KLHL31: variants seen among roughly 807,000 people sequenced by gnomAD.
KLHL31 encodes the protein kelch like family member 31, also known as kelch-like protein 31.
Under a neutral mutation model 47.1 loss-of-function variants are expected in KLHL31, and 32 were observed. The observed-to-expected ratio is 0.68, with a 90% CI of 0.51 to 0.91. KLHL31 has a LOEUF of 0.91. Ranked by LOEUF, KLHL31 falls within the 40% of genes least tolerant of loss-of-function variation. The pLI is 0.00. For missense variants in KLHL31, 797 were observed against 819.3 expected (o/e 0.97, Z 0.33); for synonymous variants, 330 against 325.1 (o/e 1.01, Z -0.16).
intron 1 of KLHL31, among the ~76,000 whole-genome samples, chr6:53,661,378 A>G (rs888385581): frequency 2.0e-5 from 3 of 152,172 alleles, no homozygotes; most frequent in African/African-American, 7.2e-5. Flanking sequence ...GTACAGACAC[A>G]AGGTACATCA....
chr6:53,663,257 A>C (rs1289109683), intron 1 of KLHL31, among the ~76,000 whole-genome samples: 4 of 152,224 alleles, frequency 2.6e-5, no homozygotes, highest in Non-Finnish European at 5.9e-5. Flanking sequence ...GAGACAGTGC[A>C]AGGTATAGCT....
chr6:53,663,849 T>C (rs890268870), intron 1 of KLHL31, among the ~76,000 whole-genome samples: 5 of 152,214 alleles, frequency 3.3e-5, no homozygotes, highest in African/African-American at 1.2e-4. Flanking sequence ...AAATTGGGTT[T>C]CGGTGTTCAT....
At chr6:53,660,757 C>G (rs1764632767) in intron 1 of KLHL31, among the ~76,000 whole-genome samples, 1 of 152,202 alleles carries the variant, frequency 6.6e-6, no homozygotes, top group Non-Finnish European at 1.5e-5. Flanking sequence ...ACAGAGGTTG[C>G]AGTGAGCTGA....
intron 1 of KLHL31, among the ~76,000 whole-genome samples, chr6:53,660,804 G>A (rs138363664): frequency 0.012 from 1,856 of 152,296 alleles, 30 homozygotes; most frequent in African/African-American, 0.041. Flanking sequence ...GCAACAAAGC[G>A]AGACTCTGTC....
chr6:53,655,760 C>T (rs1764552417), intron 1 of KLHL31, among the ~76,000 whole-genome samples: 1 of 152,050 alleles, frequency 6.6e-6, no homozygotes. Flanking sequence ...GTGTGCACCA[C>T]CATGCCCAGG....
intron 1 of KLHL31, among the ~76,000 whole-genome samples, chr6:53,663,159 C>A (rs1764672027): frequency 6.6e-6 from 1 of 152,118 alleles, no homozygotes; most frequent in Admixed American, 6.5e-5. Context: ...CATGGAAACC[C>A]TGGGCCCCTA....
chr6:53,652,354 A>G (rs756389407), intron 2 of KLHL31, 24 bp from the exon 3 acceptor site: 3 of 1,611,848 alleles, frequency 1.9e-6, no homozygotes, highest in Non-Finnish European at 2.5e-6. Context: ...AGAAGGTGTA[A>G]CAGCTTTGTC....
chr6:53,651,882 C>T lies in KLHL31; in HGVS notation c.1621G>A (p.Ala541Thr), dbSNP rs963106042. ...DVLTVECYSP[A>T]TGQWSYAAPL... is the part of the protein sequence containing the mutation. ...GCCGCGTAGCTCCACTGGCCGGTCG[C>T]GGGGCTGTAGCACTCCACGGTGAGC... The change falls in exon 3 of 3, where the codon GCG (alanine) becomes ACG (threonine). Residue 541 changes from alanine (A) to threonine (T), a missense_variant. Transcript: ENST00000370905. The T allele has an allele frequency of 1.3e-6, 2 of 1,596,398 alleles. No homozygotes were observed. The highest frequency in any genetic ancestry group is 1.7e-6 in the Non-Finnish European group (2 of 1,176,438).
chr6:53,654,254 T>C lies in KLHL31; in HGVS notation c.1019A>G (p.Asp340Gly). The change falls in exon 2 of 3, where the codon GAC (aspartate) becomes GGC (glycine). Residue 340 changes from aspartate to glycine, a missense_variant. Transcript: ENST00000370905. ...KSLSRDILYR[D>G]PENGWSKLTE... ...AAGCTTGCTCCATCCATTTTCAGGG[T>C]CTCTATACAAGATGTCTCTGCTAAG... is the stretch of plus-strand genomic sequence containing the variant. The C allele has an allele frequency of 6.2e-7, 1 of 1,614,184 alleles. No homozygotes were observed. The highest frequency in any genetic ancestry group is 8.5e-7 in the Non-Finnish European group (1 of 1,180,038).
intron 1 of KLHL31, among the ~76,000 whole-genome samples, chr6:53,664,228 T>TTTGTCCC (rs1764687186): frequency 6.6e-6 from 1 of 152,202 alleles, no homozygotes; most frequent in Admixed American, 6.5e-5. Flanking sequence ...TTAGTATAAG[T>TTTGTCCC]ATGTCCCAGG....
At position 53,652,263 on chromosome 6, in the gene KLHL31, G is replaced by A. The variant is rs371120867; in HGVS notation, c.1240C>T (p.Leu414=). 13 of 1,614,170 alleles carry A rather than the reference G, an allele frequency of 8.1e-6. No individual in the cohort carries two copies. The highest frequency in any genetic ancestry group is 6.7e-5 in the African/African-American group (5 of 75,086). Residue 414 remains leucine (L), a synonymous_variant, in exon 3 of 3, where the codon CTG becomes TTG. Transcript: ENST00000370905. ...SMNQKRTHFS[L]SVFNGLVYAA... ...TACACGAGCCCGTTGAACACGCTCA[G>A]GCTGAAGTGCGTGCGCTTCTGGTTC...
intron 1 of KLHL31, among the ~76,000 whole-genome samples, chr6:53,663,165 C>T (rs535940257): frequency 2.0e-5 from 3 of 152,158 alleles, no homozygotes; most frequent in African/African-American, 7.2e-5. Context: ...AACCCTGGGC[C>T]CCTATATTGT....
Position 53,651,025 on chromosome 6 carries a change from G to A in KLHL31, c.*573C>T, listed in dbSNP as rs187717756. The A allele has an allele frequency of 2.0e-5, 3 of 152,206 alleles. No individual in the cohort carries two copies. The highest frequency in any genetic ancestry group is 6.5e-5 in the Admixed American group (1 of 15,296). 9.4% of individuals were successfully genotyped at this position (152,206 alleles called of 1,614,324 possible). Reference sequence around the variant, plus strand: ...CAGATCTTGTTTTAAGCTTTATTACGTTGTCATGGGATATCTTTCAAAATC... The same window carrying A: ...CAGATCTTGTTTTAAGCTTTATTACATTGTCATGGGATATCTTTCAAAATC... On this transcript the variant is annotated 3_prime_UTR_variant, in exon 3 of 3. Transcript: ENST00000370905.
intron 2 of KLHL31, among the ~76,000 whole-genome samples, chr6:53,653,405 C>T (rs1250720272): frequency 6.6e-6 from 1 of 152,166 alleles, no homozygotes; most frequent in Non-Finnish European, 1.5e-5. Context: ...CTTTGTACTA[C>T]TACCATGATA....
chr6:53,657,650 G>A (rs1267576014), intron 1 of KLHL31, among the ~76,000 whole-genome samples: 2 of 144,630 alleles, frequency 1.4e-5, no homozygotes, highest in Non-Finnish European at 3.1e-5. Context: ...GTGTGTGTGT[G>A]TGTGTTTTAA....
At position 53,650,406 on chromosome 6, in the gene KLHL31, C is replaced by T. The variant is rs1249927739; in HGVS notation, c.*1192G>A. On this transcript the variant is annotated 3_prime_UTR_variant, in exon 3 of 3. Coordinates refer to ENST00000370905, the MANE Select transcript of KLHL31 (RefSeq NM_001003760.5). ...GCAGATGAGATTAATAAAAATAGGA[C>T]AGAATGAGTATATATTTTTATATAC... The T allele has an allele frequency of 6.6e-6, 1 of 151,978 alleles. No individual in the cohort carries two copies. The highest frequency in any genetic ancestry group is 2.4e-5 in the African/African-American group (1 of 41,382). 9.4% of individuals were successfully genotyped at this position (151,978 alleles called of 1,614,324 possible). A position where few individuals can be genotyped will look rare whatever the true frequency, so the allele number is the denominator to read the frequency against.
In KLHL31 at chr6:53,649,117, T is replaced by A. The variant is rs1581785025; in HGVS notation, c.*2481A>T. ...AGGTTTCTAGGAGCAACTGCTTCAATAGTTGGTGTAAAGAATATGTTTCAC... is the reference window on the plus strand; with the variant it reads ...AGGTTTCTAGGAGCAACTGCTTCAAAAGTTGGTGTAAAGAATATGTTTCAC... On this transcript the variant is annotated 3_prime_UTR_variant, in exon 3 of 3. Coordinates refer to ENST00000370905, the MANE Select transcript of KLHL31 (RefSeq NM_001003760.5). 1 of 152,194 alleles carries A rather than the reference T, an allele frequency of 6.6e-6. No homozygotes were observed. The highest frequency in any genetic ancestry group is 1.5e-5 in the Non-Finnish European group (1 of 68,012). The allele number at this position is 152,194 out of a possible 1,614,324, so 9.4% of individuals were successfully genotyped here.
At chr6:53,663,768 G>A (rs1764680768) in intron 1 of KLHL31, among the ~76,000 whole-genome samples, 1 of 152,140 alleles carries the variant, frequency 6.6e-6, no homozygotes, top group African/African-American at 2.4e-5. Context: ...CTAGTATTTT[G>A]TGTGTTGGAG....
chr6:53,653,077 A>G (rs1219470258), intron 2 of KLHL31, among the ~76,000 whole-genome samples: 6 of 152,232 alleles, frequency 3.9e-5, no homozygotes, highest in Non-Finnish European at 8.8e-5. Flanking sequence ...ATGTATAAGC[A>G]CTGCAATCAA....
Sources: gnomAD v4.1 joint callset for allele counts (sites outside exome capture counted in the v4.1 genomes callset) on GRCh38, gnomAD v4.1.1 for gene constraint, MANE v1.5 for transcripts, NCBI Gene and HGNC (gene_info 2026-07-23, HGNC 2026-07-21) for gene names.